PRR16: variants seen among roughly 807,000 people sequenced by gnomAD.
PRR16 encodes the protein protein Largen.
In PRR16, 6 loss-of-function variants were observed where a neutral mutation model predicts 18.2. The observed-to-expected ratio is 0.33, with a 90% CI of 0.18 to 0.65. The LOEUF (loss-of-function observed/expected upper bound fraction) is 0.65, where lower values mean the gene tolerates loss of function less well. PRR16 is among the 30% of genes least tolerant of loss of function. The pLI is 0.74. For missense variants in PRR16, 412 were observed against 376.6 expected (o/e 1.09, Z -0.78); for synonymous variants, 151 against 147.8 (o/e 1.02, Z -0.16).
chr5:120,724,285 A>T, the PRR16 span, among the ~76,000 whole-genome samples: 1 of 152,092 alleles, frequency 6.6e-6, no homozygotes, highest in Non-Finnish European at 1.5e-5. Flanking sequence ...GTGATTAAGA[A>T]CGCAGGACCT....
chr5:120,673,155 G>C (rs1455710935), intron 1 of PRR16, among the ~76,000 whole-genome samples: 4 of 152,250 alleles, frequency 2.6e-5, no homozygotes, highest in Non-Finnish European at 5.9e-5. Context: ...AAGTAAATGT[G>C]AGAATTACAT....
chr5:120,588,769 A>G (rs1315177136), intron 1 of PRR16, among the ~76,000 whole-genome samples: 1 of 151,308 alleles, frequency 6.6e-6, no homozygotes, highest in Non-Finnish European at 1.5e-5. Flanking sequence ...GTAATTCATC[A>G]TTGAATGTAG....
chr5:120,622,262 G>A (rs1049267752), intron 1 of PRR16, among the ~76,000 whole-genome samples: 1 of 152,078 alleles, frequency 6.6e-6, no homozygotes, highest in African/African-American at 2.4e-5. Context: ...GGCACAATAA[G>A]TGTGTATGGA....
At chr5:120,587,161 TG>T (rs1274254264) in intron 1 of PRR16, among the ~76,000 whole-genome samples, 2 of 152,158 alleles carry the variant, frequency 1.3e-5, no homozygotes, top group African/African-American at 2.4e-5. Flanking sequence ...GTGAAGAAGA[TG>T]TAGGAGAGAA....
intron 1 of PRR16, among the ~76,000 whole-genome samples, chr5:120,579,916 G>A (rs555164492): frequency 3.3e-5 from 5 of 152,202 alleles, no homozygotes; most frequent in African/African-American, 1.2e-4. Flanking sequence ...CTTGAGCAGT[G>A]GTTTGTAGTT....
At chr5:120,756,833 A>C in the PRR16 span, among the ~76,000 whole-genome samples, 1 of 151,998 alleles carries the variant, frequency 6.6e-6, no homozygotes, top group East Asian at 1.9e-4. Context: ...TTTTTGTTGC[A>C]GTTGCTTTTT....
At chr5:120,573,445 A>G (rs534857975) in intron 1 of PRR16, among the ~76,000 whole-genome samples, 5 of 152,232 alleles carry the variant, frequency 3.3e-5, no homozygotes, top group African/African-American at 1.2e-4. Flanking sequence ...CTGTTGTCTT[A>G]TTAATATGTC....
chr5:120,528,138 G>C (rs1751429405), intron 1 of PRR16, among the ~76,000 whole-genome samples: 1 of 152,166 alleles, frequency 6.6e-6, no homozygotes, highest in African/African-American at 2.4e-5. Flanking sequence ...GATGGATAGA[G>C]TGTCATTTGC....
At chr5:120,481,736 CAG>C (rs1749624468) in intron 1 of PRR16, among the ~76,000 whole-genome samples, 1 of 152,086 alleles carries the variant, frequency 6.6e-6, no homozygotes, top group Non-Finnish European at 1.5e-5. Context: ...GTCGTAAAAA[CAG>C]AATTTGGTTA....
At chr5:120,710,244 G>A in the PRR16 span, among the ~76,000 whole-genome samples, 2 of 152,156 alleles carry the variant, frequency 1.3e-5, no homozygotes, top group East Asian at 1.9e-4. Flanking sequence ...GATTAGTGAT[G>A]TTTAGCATCA....
At chr5:120,715,165 C>G in the PRR16 span, among the ~76,000 whole-genome samples, 3 of 151,560 alleles carry the variant, frequency 2.0e-5, no homozygotes, top group African/African-American at 7.3e-5. Context: ...TTGTTATCAT[C>G]TCCTCTGTTA....
chr5:120,553,494 G>A (rs1752320663), intron 1 of PRR16, among the ~76,000 whole-genome samples: 1 of 151,746 alleles, frequency 6.6e-6, no homozygotes, highest in African/African-American at 2.4e-5. Flanking sequence ...TTATTTTCAA[G>A]GTAAATATAC....
intron 1 of PRR16, among the ~76,000 whole-genome samples, chr5:120,591,146 G>C (rs1753622671): frequency 6.6e-6 from 1 of 151,894 alleles, no homozygotes; most frequent in African/African-American, 2.4e-5. Flanking sequence ...GGGTGTGGTG[G>C]TGGGCGCCTG....
chr5:120,561,983 T>C (rs114853108), intron 1 of PRR16, among the ~76,000 whole-genome samples: 110 of 152,224 alleles, frequency 7.2e-4, no homozygotes, highest in Non-Finnish European at 1.5e-3. Flanking sequence ...TATAATATAA[T>C]AGGTTTATTG....
chr5:120,589,543 G>T (rs1032501852), intron 1 of PRR16, among the ~76,000 whole-genome samples: 1 of 152,168 alleles, frequency 6.6e-6, no homozygotes, highest in South Asian at 2.1e-4. Flanking sequence ...ACTGAGACTG[G>T]GAGGATAAAA....
chr5:120,672,238 C>CTGTGTGTGTG lies in PRR16; in HGVS notation c.160-13682_160-13673dup, dbSNP rs3048020. ...AATTCTTGAAGGGCAGGTGAGGGGT[C>CTGTGTGTGTG]TGTGTGTGTGTGTGTGTGTGTGTGT... On this transcript the variant is annotated intron_variant, in intron 1 of 1. Coordinates refer to ENST00000407149, the MANE Select transcript of PRR16 (RefSeq NM_001300783.2). 3.2e-3 allele frequency among the ~76,000 whole-genome samples: 437 copies of CTGTGTGTGTG among 135,102 alleles called. 3 individuals carry two copies. Among genetic ancestry groups the CTGTGTGTGTG allele is most frequent in the South Asian group, 6.4e-3 (25 of 3,894 alleles). The allele number at this position is 135,102 out of a possible 152,430, so 88.6% of individuals were successfully genotyped here.
chr5:120,620,986 CTA>C (rs1271726073), intron 1 of PRR16, among the ~76,000 whole-genome samples: 2 of 152,128 alleles, frequency 1.3e-5, no homozygotes, highest in South Asian at 2.1e-4. Flanking sequence ...TTAGTTTTCT[CTA>C]TGTCAGTAAA....
chr5:120,779,010 C>CTGAT, the PRR16 span, among the ~76,000 whole-genome samples: 2 of 152,100 alleles, frequency 1.3e-5, no homozygotes, highest in African/African-American at 4.8e-5. Flanking sequence ...TGATTCTATT[C>CTGAT]TGATTGAAGG....
At chr5:120,747,829 T>C in the PRR16 span, among the ~76,000 whole-genome samples, 1 of 152,060 alleles carries the variant, frequency 6.6e-6, no homozygotes. Flanking sequence ...GTTCCTGATA[T>C]TTGTAATTTA....
Sources: gnomAD v4.1 joint callset for allele counts (sites outside exome capture counted in the v4.1 genomes callset) on GRCh38, gnomAD v4.1.1 for gene constraint, MANE v1.5 for transcripts, NCBI Gene and HGNC (gene_info 2026-07-23, HGNC 2026-07-21) for gene names.